The following RIN2 variants were observed in gnomAD, a reference collection of about 807,000 sequenced individuals.
The protein encoded by RIN2 is RAB5 interacting protein 2.
RIN2 carries 36 observed loss-of-function variants against 78.0 expected under a neutral mutation model. That is an observed-to-expected ratio of 0.46 (90% CI 0.35 to 0.61). RIN2 has a LOEUF of 0.61. Ranked by LOEUF, RIN2 falls within the 20% of genes least tolerant of loss-of-function variation. RIN2 has a pLI of 0.00. For synonymous variants in RIN2, 466 were observed against 466.8 expected (o/e 1.00, Z 0.02); for missense variants, 1,087 against 1,159.7 (o/e 0.94, Z 0.91).
chr20:19,976,858 TC>T (rs1402638342), intron 9 of RIN2, among the ~76,000 whole-genome samples: 1 of 152,022 alleles, frequency 6.6e-6, no homozygotes, highest in Admixed American at 6.5e-5. Context: ...CTCTCTCCTC[TC>T]TTTTTTCTCG....
intron 1 of RIN2, among the ~76,000 whole-genome samples, chr20:19,778,146 A>AAATT (rs1399582064): frequency 5.9e-5 from 9 of 152,246 alleles, no homozygotes; most frequent in African/African-American, 2.2e-4. Context: ...GGGTGTTTAT[A>AAATT]AATTGCCTAC....
At chr20:19,801,857 TATC>T (rs1246489965) in intron 2 of RIN2, among the ~76,000 whole-genome samples, 3 of 152,334 alleles carry the variant, frequency 2.0e-5, no homozygotes, top group Non-Finnish European at 4.4e-5. Context: ...ACTGAAGTCT[TATC>T]ATGATGTTGT....
chr20:19,797,299 A>G (rs1408565731), intron 1 of RIN2, among the ~76,000 whole-genome samples: 1 of 152,196 alleles, frequency 6.6e-6, no homozygotes, highest in Non-Finnish European at 1.5e-5. Context: ...CGTATTTATG[A>G]TGCAAGAGTG....
chr20:19,820,518 A>C (rs557942041), intron 2 of RIN2, among the ~76,000 whole-genome samples: 1 of 152,202 alleles, frequency 6.6e-6, no homozygotes, highest in Non-Finnish European at 1.5e-5. Flanking sequence ...CTTCTATCAC[A>C]GATTTGGAGA....
intron 6 of RIN2, among the ~76,000 whole-genome samples, chr20:19,964,647 G>A (rs2041879951): frequency 6.6e-6 from 1 of 152,072 alleles, no homozygotes. Flanking sequence ...CTGGCCCCTT[G>A]TCCCCTGCCC....
intron 3 of RIN2, among the ~76,000 whole-genome samples, chr20:19,892,181 T>G (rs542702672): frequency 6.6e-6 from 1 of 152,298 alleles, no homozygotes; most frequent in African/African-American, 2.4e-5. Context: ...TAATTTTGTG[T>G]TTTTGGCAGA....
chr20:19,983,793 C>A (rs889897216), intron 9 of RIN2, among the ~76,000 whole-genome samples: 1 of 152,112 alleles, frequency 6.6e-6, no homozygotes, highest in African/African-American at 2.4e-5. Context: ...AACATTGTAA[C>A]CCAATAGGTA....
At chr20:19,974,124 T>C (rs898939140) in intron 8 of RIN2, among the ~76,000 whole-genome samples, 2 of 152,174 alleles carry the variant, frequency 1.3e-5, no homozygotes, top group Non-Finnish European at 2.9e-5. Flanking sequence ...ATGCTGAATG[T>C]GTAAAACCCT....
At chr20:19,916,430 ACAAACTAGCGAGATTCCAT>A (rs2039687611) in intron 3 of RIN2, among the ~76,000 whole-genome samples, 1 of 152,100 alleles carries the variant, frequency 6.6e-6, no homozygotes, top group Non-Finnish European at 1.5e-5. Context: ...TCCATCCTGG[ACAAACTAGCGAGATTCCAT>A]CTGTACAAGA....
At chr20:19,854,374 G>A (rs1045871511) in intron 2 of RIN2, among the ~76,000 whole-genome samples, 1 of 152,206 alleles carries the variant, frequency 6.6e-6, no homozygotes, top group African/African-American at 2.4e-5. Context: ...CCCTTTTTTG[G>A]TTCCATATGA....
At chr20:19,935,022 GC>G (rs1446254038) in intron 3 of RIN2, 76 bp from the exon 4 acceptor site, 7 of 1,033,006 alleles carry the variant, frequency 6.8e-6, no homozygotes, top group Non-Finnish European at 1.0e-5. Flanking sequence ...CTATTGAAAA[GC>G]CTGAGTTCCC....
chr20:19,952,816 T>C (rs2041373407), intron 4 of RIN2, among the ~76,000 whole-genome samples: 1 of 152,210 alleles, frequency 6.6e-6, no homozygotes, highest in African/African-American at 2.4e-5. Context: ...AGAATTCTTT[T>C]AGTGGCATGG....
chr20:19,822,447 G>T (rs1387542511), intron 2 of RIN2, among the ~76,000 whole-genome samples: 4 of 152,150 alleles, frequency 2.6e-5, no homozygotes, highest in Non-Finnish European at 5.9e-5. Context: ...GAAGTAAGGA[G>T]CTCCAAAAGC....
intron 3 of RIN2, among the ~76,000 whole-genome samples, chr20:19,923,261 C>G (rs562536357): frequency 2.6e-5 from 4 of 151,418 alleles, no homozygotes; most frequent in African/African-American, 9.7e-5. Flanking sequence ...ACTAAAAATA[C>G]AAAAATTAGC....
chr20:19,932,015 T>C (rs2040461884), intron 3 of RIN2, among the ~76,000 whole-genome samples: 1 of 152,200 alleles, frequency 6.6e-6, no homozygotes, highest in Non-Finnish European at 1.5e-5. Flanking sequence ...GCTCTGGGGG[T>C]AATATTCCTC....
At chr20:19,908,258 G>A (rs992048100) in intron 3 of RIN2, among the ~76,000 whole-genome samples, 1 of 152,144 alleles carries the variant, frequency 6.6e-6, no homozygotes, top group African/African-American at 2.4e-5. Flanking sequence ...TTGGGAGGCC[G>A]AGGTGGGCAG....
rs147294259 is a variant in RIN2 at position 19,823,604 on chromosome 20, G to C, written c.-37+23857G>C. ...GCTAAGGATTGGTGCCGCATCTGTC[G>C]AGCAATGTTGACGATCTCATCAAAA... On this transcript the variant is annotated intron_variant, in intron 2 of 12. Coordinates refer to ENST00000255006, the MANE Select transcript of RIN2 (RefSeq NM_018993.4). 7.9e-5 allele frequency: 121 copies of C among 1,534,004 alleles called. 1 individual carries two copies. The East Asian group carries it at 2.5e-3, about 32-fold the overall frequency.
In RIN2 at chr20:19,990,237, A is replaced by T; in HGVS notation, c.1994A>T (p.Tyr665Phe). The T allele has an allele frequency of 6.2e-7, 1 of 1,613,428 alleles. No individual in the cohort carries two copies. Among genetic ancestry groups the T allele is most frequent in the Non-Finnish European group, 8.5e-7 (1 of 1,179,724 alleles). ...AAGTTCATGACCATGCAGAAGATGT[A>T]TTCGCCGGAAAAGAAGGTCATGCTG... is the stretch of plus-strand genomic sequence containing the variant. ...KVKFMTMQKMYSPEKKVMLLL... is the reference protein window; with the variant it reads ...KVKFMTMQKMFSPEKKVMLLL... The change falls in exon 10 of 13, where the codon TAT (tyrosine) becomes TTT (phenylalanine). Residue 665 changes from tyrosine to phenylalanine, a missense_variant. Physicochemically the swap from Tyr to Phe is conservative, Grantham distance 22 (BLOSUM62 3). Coordinates refer to ENST00000255006, the MANE Select transcript of RIN2 (RefSeq NM_018993.4).
chr20:19,827,797 C>G (rs2036138396), intron 2 of RIN2, among the ~76,000 whole-genome samples: 1 of 140,324 alleles, frequency 7.1e-6, no homozygotes, highest in African/African-American at 2.5e-5. Context: ...AGTAGGTTTG[C>G]TTTTCTTTTT....
Sources: allele counts gnomAD v4.1 joint callset (sites outside exome capture counted in the v4.1 genomes callset), GRCh38; gene constraint gnomAD v4.1.1; transcripts MANE v1.5; gene names NCBI Gene and HGNC (gene_info 2026-07-23, HGNC 2026-07-21).